Variants in IQCK observed in about 807,000 individuals in gnomAD.
IQCK encodes IQ motif containing K.
In IQCK, 29 loss-of-function variants were observed where a neutral mutation model predicts 28.1. That is an observed-to-expected ratio of 1.03 (90% CI 0.77 to 1.41). IQCK has a LOEUF of 1.41. IQCK is among the 40% of genes most tolerant of loss of function. The probability of loss-of-function intolerance (pLI) is 0.00; values close to 1 mark genes in which losing one functional copy is unlikely to be tolerated. For missense variants in IQCK, 359 were observed against 314.7 expected (o/e 1.14, Z -1.07); for synonymous variants, 113 against 115.1 (o/e 0.98, Z 0.12).
chr16:19,812,804 C>A (rs1220356691), intron 7 of IQCK, among the ~76,000 whole-genome samples: 1 of 152,122 alleles, frequency 6.6e-6, no homozygotes, highest in African/African-American at 2.4e-5. Flanking sequence ...ATATATAAAT[C>A]TTGCTGAAAG....
At chr16:19,804,268 T>C (rs2055803694) in intron 7 of IQCK, among the ~76,000 whole-genome samples, 1 of 151,776 alleles carries the variant, frequency 6.6e-6, no homozygotes, top group Middle Eastern at 3.2e-3. Context: ...CACTTGAACC[T>C]GGGAGACAGA....
chr16:19,816,488 G>A (rs1323506613), intron 7 of IQCK, among the ~76,000 whole-genome samples: 2 of 152,064 alleles, frequency 1.3e-5, no homozygotes, highest in Non-Finnish European at 2.9e-5. Context: ...CACCATGTTG[G>A]CCAGGCTGGT....
intron 6 of IQCK, among the ~76,000 whole-genome samples, chr16:19,782,900 G>T (rs1021901481): frequency 9.2e-5 from 14 of 152,038 alleles, no homozygotes; most frequent in African/African-American, 3.4e-4. Context: ...ATGTGTATGC[G>T]CACACATGTG....
At chr16:19,734,335 A>G (rs1205181092) in intron 3 of IQCK, among the ~76,000 whole-genome samples, 2 of 151,988 alleles carry the variant, frequency 1.3e-5, no homozygotes, top group South Asian at 2.1e-4. Flanking sequence ...TGTCTCTACT[A>G]AAAATACAAA....
At chr16:19,824,994 T>A (rs1178751013) in intron 7 of IQCK, among the ~76,000 whole-genome samples, 1 of 152,186 alleles carries the variant, frequency 6.6e-6, no homozygotes, top group African/African-American at 2.4e-5. Context: ...GATGCCCCTT[T>A]GTTTTCCCTT....
At chr16:19,819,354 A>G (rs142752619) in intron 7 of IQCK, 16 of 152,214 alleles carry the variant, frequency 1.1e-4, no homozygotes, top group African/African-American at 3.9e-4. Flanking sequence ...TTAGCCGGTC[A>G]TGGTGGCGGG....
chr16:19,836,119 AG>A (rs1210720061), intron 9 of IQCK, among the ~76,000 whole-genome samples: 1 of 152,224 alleles, frequency 6.6e-6, no homozygotes, highest in East Asian at 1.9e-4. Context: ...ATTCTAAATG[AG>A]GTCATTGTTT....
At chr16:19,803,209 T>C (rs1332008534) in intron 7 of IQCK, among the ~76,000 whole-genome samples, 1 of 152,014 alleles carries the variant, frequency 6.6e-6, no homozygotes, top group African/African-American at 2.4e-5. Context: ...GTGGAATGAT[T>C]TCAGCTCACT....
chr16:19,730,229 T>TAC (rs1343103149), intron 1 of IQCK, among the ~76,000 whole-genome samples: 4 of 152,238 alleles, frequency 2.6e-5, no homozygotes, highest in Admixed American at 2.0e-4. Flanking sequence ...GTGCTGGGAT[T>TAC]ACAGGTGTGA....
At chr16:19,722,619 G>T (rs1977529314) in intron 1 of IQCK, among the ~76,000 whole-genome samples, 1 of 152,094 alleles carries the variant, frequency 6.6e-6, no homozygotes, top group Admixed American at 6.5e-5. Context: ...TCAATGCTGG[G>T]CCAGGTATAA....
intron 7 of IQCK, among the ~76,000 whole-genome samples, chr16:19,804,389 A>G (rs1467424557): frequency 1.3e-5 from 2 of 151,806 alleles, no homozygotes; most frequent in African/African-American, 4.8e-5. Flanking sequence ...TATTTCCTAA[A>G]CAGAGGTAAA....
intron 6 of IQCK, among the ~76,000 whole-genome samples, chr16:19,777,023 G>C (rs938657198): frequency 6.6e-6 from 1 of 152,200 alleles, no homozygotes; most frequent in Non-Finnish European, 1.5e-5. Context: ...AAATGAGCAC[G>C]AAGAGCAAAA....
chr16:19,743,973 G>T (rs1370427950), intron 4 of IQCK, among the ~76,000 whole-genome samples: 2 of 152,156 alleles, frequency 1.3e-5, no homozygotes, highest in Non-Finnish European at 2.9e-5. Flanking sequence ...CTATTGTGTG[G>T]TGTGTGGTGT....
intron 9 of IQCK, among the ~76,000 whole-genome samples, chr16:19,853,331 C>A (rs915162802): frequency 6.6e-6 from 1 of 152,178 alleles, no homozygotes; most frequent in African/African-American, 2.4e-5. Flanking sequence ...CCCCCATGAA[C>A]AAGGTCCCTA....
intron 4 of IQCK, among the ~76,000 whole-genome samples, chr16:19,743,396 G>A (rs765792855): frequency 2.0e-5 from 3 of 152,198 alleles, no homozygotes; most frequent in African/African-American, 4.8e-5. Flanking sequence ...CTGGAGCTGG[G>A]CAAGGAGCAA....
intron 1 of IQCK, among the ~76,000 whole-genome samples, chr16:19,724,416 A>G (rs1475164697): frequency 2.6e-5 from 4 of 151,988 alleles, no homozygotes; most frequent in Non-Finnish European, 5.9e-5. Context: ...ACCTCCCACT[A>G]TAGTATATGC....
At chr16:19,771,480 C>A (rs28681321) in intron 6 of IQCK, among the ~76,000 whole-genome samples, 27,499 of 152,066 alleles carry the variant, frequency 0.18, 2,582 homozygotes, top group South Asian at 0.26. Flanking sequence ...AATTTAAAGT[C>A]CCTTTCTCTT....
rs539628438 is a variant in IQCK, at chr16:19,820,956, A to G, written c.691-6070A>G. Among the ~76,000 whole-genome samples, 8 of 152,374 alleles carry G rather than the reference A, an allele frequency of 5.3e-5. No homozygotes were observed. In the South Asian group the frequency reaches 1.7e-3, roughly 32 times the overall value. ...AGTTATACAGACAGGCGACAAGCAC[A>G]TGAAAAGATGCTCGATGTCATTAAA... On this transcript the variant is annotated intron_variant, in intron 7 of 7. Coordinates refer to ENST00000564186, the Ensembl canonical transcript of IQCK.
intron 4 of IQCK, among the ~76,000 whole-genome samples, chr16:19,756,098 C>T (rs1470346946): frequency 2.0e-5 from 3 of 152,128 alleles, no homozygotes; most frequent in Admixed American, 2.0e-4. Flanking sequence ...GCAGGAGGAT[C>T]ACTTGAATCT....
Sources: allele counts gnomAD v4.1 joint callset (sites outside exome capture counted in the v4.1 genomes callset), GRCh38; gene constraint gnomAD v4.1.1; transcripts MANE v1.5; gene names NCBI Gene and HGNC (gene_info 2026-07-23, HGNC 2026-07-21).